CREBBP: variants seen among roughly 807,000 people sequenced by gnomAD.
CREBBP encodes the protein CREB-binding protein.
CREBBP carries 19 observed loss-of-function variants against 265.0 expected under a neutral mutation model. The observed-to-expected ratio is 0.07, with a 90% CI of 0.05 to 0.11. The LOEUF (loss-of-function observed/expected upper bound fraction) is 0.11, where lower values mean the gene tolerates loss of function less well. Among genes scored for constraint, CREBBP ranks in the 10% least tolerant of loss-of-function variants. The pLI, the probability that CREBBP is intolerant of heterozygous loss-of-function variation, is 1.00. For synonymous variants in CREBBP, 1,457 were observed against 1,223.7 expected, an observed-to-expected ratio of 1.19 and a Z score of -3.98; for missense variants, 2,525 against 3,219.0, an observed-to-expected ratio of 0.78 and a Z score of 5.22.
chr16:3,745,418 A>G, intron 21 of CREBBP, 64 bp from the exon 22 acceptor site: 1 of 1,484,858 alleles, frequency 6.7e-7, no homozygotes, highest in Non-Finnish European at 9.3e-7. Context: ...TCACTTGTAG[A>G]AGTCTGTGTG....
Position 3,725,279 on chromosome 16 carries a change from C to T in CREBBP, c.*2439G>A, listed in dbSNP as rs2051713391. 4.3e-6 allele frequency: 1 copy of T among 233,232 alleles called. No homozygotes were observed. Among genetic ancestry groups the T allele is most frequent in the African/African-American group, 2.2e-5 (1 of 45,342 alleles). The allele number at this position is 233,232 out of a possible 1,614,324, so 14.4% of individuals were successfully genotyped here. A position where few individuals can be genotyped will look rare whatever the true frequency, so the allele number is the denominator to read the frequency against. On this transcript the variant is annotated 3_prime_UTR_variant, in exon 31 of 31. Transcript: ENST00000262367. ...CACATCCTTCGACATCTGGATTGCCCAAGACGGTTGCACAGGATGCAGACT... is the reference window on the plus strand; with the variant it reads ...CACATCCTTCGACATCTGGATTGCCTAAGACGGTTGCACAGGATGCAGACT...
chr16:3,872,349 G>A (rs897622796), intron 1 of CREBBP, among the ~76,000 whole-genome samples: 16 of 152,142 alleles, frequency 1.1e-4, no homozygotes, highest in African/African-American at 3.4e-4. Flanking sequence ...CAGCTCAAAT[G>A]GCAAAGACCT....
intron 16 of CREBBP, among the ~76,000 whole-genome samples, chr16:3,760,984 C>T (rs984429101): frequency 3.3e-5 from 5 of 151,898 alleles, no homozygotes; most frequent in African/African-American, 7.3e-5. Context: ...GACGGAGTTT[C>T]ACTCTTGTTG....
chr16:3,808,291 A>G (rs950174872), intron 3 of CREBBP, among the ~76,000 whole-genome samples: 14 of 152,186 alleles, frequency 9.2e-5, no homozygotes, highest in African/African-American at 3.4e-4. Flanking sequence ...AGTTCTCCAG[A>G]GCAGGAGTTT....
chr16:3,737,090 A>G, intron 26 of CREBBP: 1 of 533,254 alleles, frequency 1.9e-6, no homozygotes. Context: ...TCATTAAAGA[A>G]CCAGGGAATA....
chr16:3,792,695 G>C (rs2053529832), intron 4 of CREBBP, among the ~76,000 whole-genome samples: 1 of 152,220 alleles, frequency 6.6e-6, no homozygotes, highest in Admixed American at 6.5e-5. Flanking sequence ...GGAGACCAGG[G>C]GGAGATTCCC....
intron 2 of CREBBP, among the ~76,000 whole-genome samples, chr16:3,847,780 C>T (rs1388262707): frequency 6.6e-6 from 1 of 152,138 alleles, no homozygotes; most frequent in Non-Finnish European, 1.5e-5. Context: ...CATGTTTCTT[C>T]AGTAAATTGT....
rs2051772219 is a variant in CREBBP at position 3,727,409 on chromosome 16, A to AGT, written c.*307_*308dup. 3.2e-6 allele frequency: 1 copy of AGT among 316,866 alleles called. No individual in the cohort carries two copies. Among genetic ancestry groups the AGT allele is most frequent in the Non-Finnish European group, 5.9e-6 (1 of 170,764 alleles). 19.6% of individuals were successfully genotyped at this position (316,866 alleles called of 1,614,324 possible). A position where few individuals can be genotyped will look rare whatever the true frequency, so the allele number is the denominator to read the frequency against. On this transcript the variant is annotated 3_prime_UTR_variant, in exon 31 of 31. Transcript: ENST00000262367. The stretch of plus-strand genomic sequence containing the variant: ...GTTTTTCCCGTTAAAAAAAGGCATG[A>AGT]GTCACCAGCAATGACGACAAAAAGA...
At chr16:3,743,783 TA>T (rs200812443) in intron 23 of CREBBP, 13 of 148,972 alleles carry the variant, frequency 8.7e-5, no homozygotes, top group East Asian at 2.0e-4. Flanking sequence ...AATGTGGTCT[TA>T]AAAAAAAAAG....
chr16:3,748,151 C>T (rs1304911183), intron 21 of CREBBP, among the ~76,000 whole-genome samples: 1 of 151,522 alleles, frequency 6.6e-6, no homozygotes, highest in Admixed American at 6.6e-5. Context: ...TGGTGGCGGG[C>T]ACCTGTAATC....
intron 21 of CREBBP, among the ~76,000 whole-genome samples, chr16:3,748,450 G>C (rs1378515060): frequency 6.6e-6 from 1 of 152,238 alleles, no homozygotes; most frequent in African/African-American, 2.4e-5. Context: ...ACAGCTCTAG[G>C]ATTTCACATC....
At chr16:3,845,056 T>C (rs764253408) in intron 2 of CREBBP, among the ~76,000 whole-genome samples, 1 of 152,026 alleles carries the variant, frequency 6.6e-6, no homozygotes, top group Non-Finnish European at 1.5e-5. Context: ...AAATCCAAAA[T>C]CCCAAAGATT....
At chr16:3,871,029 G>A (rs930632688) in intron 1 of CREBBP, among the ~76,000 whole-genome samples, 1 of 147,308 alleles carries the variant, frequency 6.8e-6, no homozygotes, top group African/African-American at 2.5e-5. Flanking sequence ...AAGGGGAAGG[G>A]GAAGGAAGGA....
chr16:3,808,577 CA>C (rs2053877023), intron 3 of CREBBP, among the ~76,000 whole-genome samples: 4 of 152,376 alleles, frequency 2.6e-5, no homozygotes, highest in African/African-American at 9.6e-5. Context: ...CCTTGACAAG[CA>C]TACCACATCT....
At position 3,749,614 on chromosome 16, in the gene CREBBP, G is replaced by A. The variant is rs1338676703; in HGVS notation, c.3836+13C>T. 1 of 1,578,942 alleles carries A rather than the reference G, an allele frequency of 6.3e-7. No individual in the cohort carries two copies. The highest frequency in any genetic ancestry group is 1.7e-5 in the Admixed American group (1 of 59,830). On this transcript the variant is annotated intron_variant, in intron 21 of 30. Coordinates refer to ENST00000262367, the MANE Select transcript of CREBBP (RefSeq NM_004380.3). ...CAAAACTGAAAGTAAAAAAGAAATA[G>A]CTATATACTTACGGTTCGGGGTCTA...
In CREBBP at chr16:3,731,961, A is replaced by G. The variant is rs1331929015; in HGVS notation, c.4729-24T>C. 2 of 1,614,002 alleles carry G rather than the reference A, an allele frequency of 1.2e-6. No homozygotes were observed. Among genetic ancestry groups the G allele is most frequent in the Non-Finnish European group, 1.7e-6 (2 of 1,180,054 alleles). On this transcript the variant is annotated intron_variant, in intron 28 of 30. Coordinates refer to ENST00000262367, the MANE Select transcript of CREBBP (RefSeq NM_004380.3). The surrounding 1 kb of genome is among the most constrained non-coding windows in gnomAD (Gnocchi z 7.7). ...CCCTGCAACAACACGCAAGGCTGTG[A>G]GACCAGGCAAGTGCCCCTCCACACT... is the stretch of plus-strand genomic sequence containing the variant.
intron 16 of CREBBP, among the ~76,000 whole-genome samples, chr16:3,767,069 C>CCTCCTGGG (rs2052871944): frequency 1.3e-5 from 2 of 152,200 alleles, no homozygotes; most frequent in African/African-American, 4.8e-5. Flanking sequence ...CTAAGGTTCA[C>CCTCCTGGG]TTGACAATTT....
intron 3 of CREBBP, among the ~76,000 whole-genome samples, chr16:3,797,048 T>C (rs1364594004): frequency 6.6e-6 from 1 of 152,204 alleles, no homozygotes; most frequent in Non-Finnish European, 1.5e-5. Flanking sequence ...GAGTTAGATG[T>C]GAACTGCAGG....
In CREBBP at chr16:3,781,208, T is replaced by C. The variant is rs371134537; in HGVS notation, c.1672A>G (p.Thr558Ala). Reference protein sequence around the residue: ...ESALPTSLGATNPLMNDGSNS... With the variant: ...ESALPTSLGAANPLMNDGSNS... Reference sequence around the variant, plus strand: ...AGATCTGAAACAGGGTCTTACTTTGTGGCCCCCAGGGAAGTCGGAAGAGCT... The same window carrying C: ...AGATCTGAAACAGGGTCTTACTTTGCGGCCCCCAGGGAAGTCGGAAGAGCT... The change falls in exon 7 of 31, where the codon ACA becomes GCA. Residue 558 changes from threonine to alanine, a missense_variant. Around this residue, in one of 19 missense-constraint regions of CREBBP, gnomAD observed 144 missense variants for 134.0 expected, o/e 1.07. Transcript: ENST00000262367. The C allele has an allele frequency of 1.9e-6, 3 of 1,613,810 alleles. No homozygotes were observed. The highest frequency in any genetic ancestry group is 1.7e-5 in the Admixed American group (1 of 60,024).
Sources: gnomAD v4.1 joint callset for allele counts (sites outside exome capture counted in the v4.1 genomes callset) on GRCh38, gnomAD v4.1.1 for gene constraint, gnomAD v4.1.1 regional missense constraint, Gnocchi (gnomAD v3.1) non-coding constraint, MANE v1.5 for transcripts, NCBI Gene and HGNC (gene_info 2026-07-23, HGNC 2026-07-21) for gene names.